The following PGGT1B variants were observed in gnomAD, a reference collection of about 807,000 sequenced individuals.
PGGT1B encodes protein geranylgeranyltransferase type I subunit beta.
PGGT1B carries 30 observed loss-of-function variants against 46.1 expected under a neutral mutation model. The ratio of observed to expected loss-of-function variants is 0.65; its 90% CI spans 0.49 to 0.88. PGGT1B has a LOEUF of 0.88. Ranked by LOEUF, PGGT1B falls within the 40% of genes least tolerant of loss-of-function variation. The pLI is 0.00. For missense variants in PGGT1B, 376 were observed against 455.9 expected (o/e 0.82, Z 1.60); for synonymous variants, 170 against 160.0 (o/e 1.06, Z -0.47).
At chr5:115,222,795 C>T (rs1205901811) in intron 6 of PGGT1B, among the ~76,000 whole-genome samples, 2 of 152,136 alleles carry the variant, frequency 1.3e-5, no homozygotes, top group Non-Finnish European at 2.9e-5. Context: ...GCCATAAAAA[C>T]GGATGAGTTC....
At chr5:115,230,430 T>A (rs1387591031) in intron 6 of PGGT1B, among the ~76,000 whole-genome samples, 1 of 152,122 alleles carries the variant, frequency 6.6e-6, no homozygotes, top group Non-Finnish European at 1.5e-5. Flanking sequence ...GCTATTGATG[T>A]GCTGACACTT....
chr5:115,222,274 T>C (rs1756611616), intron 6 of PGGT1B, among the ~76,000 whole-genome samples: 1 of 152,210 alleles, frequency 6.6e-6, no homozygotes, highest in African/African-American at 2.4e-5. Flanking sequence ...TAAAATTACA[T>C]GGTTAACAGC....
intron 5 of PGGT1B, among the ~76,000 whole-genome samples, chr5:115,233,231 C>G (rs1194912075): frequency 6.6e-6 from 1 of 151,678 alleles, no homozygotes; most frequent in Non-Finnish European, 1.5e-5. Flanking sequence ...TACCCTCAAA[C>G]AACCATTTGG....
At chr5:115,225,111 G>A (rs975775338) in intron 6 of PGGT1B, among the ~76,000 whole-genome samples, 2 of 152,064 alleles carry the variant, frequency 1.3e-5, no homozygotes, top group Non-Finnish European at 2.9e-5. Context: ...TCAAGAAAAG[G>A]TGAAACTGTG....
At chr5:115,253,055 G>T in intron 2 of PGGT1B, 82 bp downstream of exon 2, 2 of 1,185,176 alleles carry the variant, frequency 1.7e-6, no homozygotes, top group Non-Finnish European at 2.4e-6. Context: ...CAGTATACAA[G>T]TACTAAGATT....
intron 2 of PGGT1B, among the ~76,000 whole-genome samples, chr5:115,247,812 C>A (rs1487929390): frequency 6.6e-6 from 1 of 152,124 alleles, no homozygotes; most frequent in Non-Finnish European, 1.5e-5. Context: ...TTTCCCTCAA[C>A]AAGATAGCAA....
At chr5:115,232,318 G>C (rs1757016411) in intron 5 of PGGT1B, among the ~76,000 whole-genome samples, 1 of 151,882 alleles carries the variant, frequency 6.6e-6, no homozygotes, top group South Asian at 2.1e-4. Context: ...GAACTGCTAT[G>C]GGCAAAAAAA....
At chr5:115,220,827 T>A (rs1397683012) in intron 7 of PGGT1B, among the ~76,000 whole-genome samples, 2 of 151,870 alleles carry the variant, frequency 1.3e-5, no homozygotes, top group Admixed American at 6.6e-5. Context: ...TATTAAAAAA[T>A]TTCCAGAGAA....
At chr5:115,252,901 G>A (rs1163588261) in intron 2 of PGGT1B, 1 of 451,912 alleles carries the variant, frequency 2.2e-6, no homozygotes, top group African/African-American at 2.1e-5. Flanking sequence ...ACATAGTATG[G>A]TGCCACAACT....
At chr5:115,227,031 G>A (rs917393558) in intron 6 of PGGT1B, among the ~76,000 whole-genome samples, 2 of 152,088 alleles carry the variant, frequency 1.3e-5, no homozygotes, top group Non-Finnish European at 2.9e-5. Context: ...CAAATGTTTG[G>A]AGAGTATGTT....
intron 5 of PGGT1B, among the ~76,000 whole-genome samples, chr5:115,234,422 C>T (rs1191043488): frequency 6.6e-6 from 1 of 151,920 alleles, no homozygotes; most frequent in African/African-American, 2.4e-5. Context: ...AGGAGTCACA[C>T]TTCTCTGTAT....
chr5:115,216,635 T>C (rs1049840163), intron 8 of PGGT1B, among the ~76,000 whole-genome samples: 1 of 152,176 alleles, frequency 6.6e-6, no homozygotes, highest in Non-Finnish European at 1.5e-5. Context: ...AGTAAAATAT[T>C]TGGGAAAAAA....
chr5:115,221,582 T>C (rs1369341762), intron 7 of PGGT1B, among the ~76,000 whole-genome samples: 1 of 151,984 alleles, frequency 6.6e-6, no homozygotes, highest in Non-Finnish European at 1.5e-5. Flanking sequence ...AGGTTTTAAG[T>C]AGGCATAAAA....
chr5:115,230,500 A>T (rs967962509), intron 6 of PGGT1B, among the ~76,000 whole-genome samples: 2 of 152,172 alleles, frequency 1.3e-5, no homozygotes, highest in Non-Finnish European at 2.9e-5. Flanking sequence ...GAAAGAAAAG[A>T]CTGTATTAAT....
In PGGT1B at chr5:115,237,826, T is replaced by C. The variant is rs759255628; in HGVS notation, c.479+32A>G. 19 of 1,586,704 alleles carry C rather than the reference T, an allele frequency of 1.2e-5. No individual in the cohort carries two copies. The African/African-American group carries it at 2.5e-4, about 20-fold the overall frequency. The stretch of plus-strand genomic sequence containing the variant: ...TTTAGTTCCAATATATTTTTGTTTA[T>C]TACAAAAAAAGTAACAAAGAATCAC... On this transcript the variant is annotated intron_variant, in intron 4 of 8. Coordinates refer to ENST00000419445, the MANE Select transcript of PGGT1B (RefSeq NM_005023.4).
chr5:115,237,401 A>G (rs1333080629), intron 4 of PGGT1B, among the ~76,000 whole-genome samples: 1 of 152,186 alleles, frequency 6.6e-6, no homozygotes, highest in Non-Finnish European at 1.5e-5. Context: ...CCAAATATCA[A>G]TGAACATACG....
In PGGT1B at chr5:115,207,180, C is replaced by CATACAT. The variant is rs1554069083; in HGVS notation, c.*5221_*5222insATGTAT. ...ACTAGTTTAGGTTTGCATATACATA[C>CATACAT]ATATATATATATATATATATATATA... is the stretch of plus-strand genomic sequence containing the variant. On this transcript the variant is annotated 3_prime_UTR_variant, in exon 9 of 9. Transcript: ENST00000419445. 1.1e-5 allele frequency: 1 copy of CATACAT among 89,950 alleles called. No individual in the cohort carries two copies. Among genetic ancestry groups the CATACAT allele is most frequent in the Non-Finnish European group, 2.4e-5 (1 of 42,226 alleles). 5.6% of individuals were successfully genotyped at this position (89,950 alleles called of 1,614,324 possible).
rs1170087189 is a variant in PGGT1B, at chr5:115,222,080, G to A, written c.659-72C>T. 5.9e-6 allele frequency: 5 copies of A among 854,054 alleles called. No individual in the cohort carries two copies. In the African/African-American group the frequency reaches 7.1e-5, roughly 12 times the overall value. 52.9% of individuals were successfully genotyped at this position (854,054 alleles called of 1,614,324 possible). A position where few individuals can be genotyped will look rare whatever the true frequency, so the allele number is the denominator to read the frequency against. Reference sequence around the variant, plus strand: ...TATGAAAATAGTACAAAATGTTCAAGGGGAAAAAGTGGTTATATAATTCTA... The same window carrying A: ...TATGAAAATAGTACAAAATGTTCAAAGGGAAAAAGTGGTTATATAATTCTA... On this transcript the variant is annotated intron_variant, in intron 6 of 8. Coordinates refer to ENST00000419445, the MANE Select transcript of PGGT1B (RefSeq NM_005023.4).
At chr5:115,244,943 G>A (rs1747759386) in intron 2 of PGGT1B, among the ~76,000 whole-genome samples, 1 of 152,120 alleles carries the variant, frequency 6.6e-6, no homozygotes. Flanking sequence ...ATGAGGGGCA[G>A]TATCAAAAGG....
Sources: allele counts gnomAD v4.1 joint callset (sites outside exome capture counted in the v4.1 genomes callset), GRCh38; gene constraint gnomAD v4.1.1; transcripts MANE v1.5; gene names NCBI Gene and HGNC (gene_info 2026-07-23, HGNC 2026-07-21).